Variants in EPHB6 observed in about 807,000 individuals in gnomAD.
The protein encoded by EPHB6 is EPH receptor B6.
A neutral mutation model predicts 107.0 loss-of-function variants in EPHB6; 51 were observed. The observed-to-expected ratio is 0.48, with a 90% CI of 0.38 to 0.60. The LOEUF (loss-of-function observed/expected upper bound fraction) is 0.60, where lower values mean the gene tolerates loss of function less well. Ranked by LOEUF, EPHB6 falls within the 20% of genes least tolerant of loss-of-function variation. The pLI is 0.00. For missense variants in EPHB6, 1,141 were observed against 1,355.5 expected, an observed-to-expected ratio of 0.84 and a Z score of 2.48; for synonymous variants, 553 against 549.0, an observed-to-expected ratio of 1.01 and a Z score of -0.10.
Position 142,866,881 on chromosome 7 carries a change from G to T in EPHB6, c.1588-25G>T. 2 of 1,614,020 alleles carry T rather than the reference G, an allele frequency of 1.2e-6. No individual in the cohort carries two copies. Among genetic ancestry groups the T allele is most frequent in the South Asian group, 2.2e-5 (2 of 91,072 alleles). ...AGCAGGGGCAAGAGGGGGCCAGGCA[G>T]GGAGTGAGTGGCTGTTACCCCCAGG... On this transcript the variant is annotated intron_variant, in intron 10 of 19. Transcript: ENST00000652003. This position sits in a 1 kb window ranked among gnomAD's most constrained non-coding sequence, Gnocchi z 5.2.
Position 142,869,013 on chromosome 7 carries a change from A to G in EPHB6, c.2326A>G (p.Met776Val). The G allele has an allele frequency of 1.1e-5, 17 of 1,612,096 alleles. No homozygotes were observed. The highest frequency in any genetic ancestry group is 1.4e-5 in the Non-Finnish European group (17 of 1,179,948). Residue 776 changes from methionine to valine, a missense_variant, in exon 16 of 20, where the codon ATG becomes GTG. Physicochemically the swap from Met to Val is conservative, Grantham distance 21. This residue lies in a region of EPHB6 where 616 missense variants were observed against 759.3 expected (regional missense o/e 0.81). Transcript: ENST00000652003. This position sits in a 1 kb window ranked among gnomAD's most constrained non-coding sequence, Gnocchi z 4.5. Reference sequence around the variant, plus strand: ...GTTCAGCAGCCTGCAGCTGGTGGCCATGCAGCGGGGAGTGGCTGCTGCCAT... The same window carrying G: ...GTTCAGCAGCCTGCAGCTGGTGGCCGTGCAGCGGGGAGTGGCTGCTGCCAT... ...GQFSSLQLVA[M>V]QRGVAAAMQY...
rs2116479379 is a variant in EPHB6 at position 142,869,216 on chromosome 7, G to A, written c.2460+69G>A. The A allele has an allele frequency of 2.6e-6, 4 of 1,568,394 alleles. No individual in the cohort carries two copies. The highest frequency in any genetic ancestry group is 1.7e-6 in the Non-Finnish European group (2 of 1,149,616). On this transcript the variant is annotated intron_variant, in intron 16 of 19. Coordinates refer to ENST00000652003, the MANE Select transcript of EPHB6 (RefSeq NM_004445.6). This position sits in a 1 kb window ranked among gnomAD's most constrained non-coding sequence, Gnocchi z 4.5. ...TGCCCCAGCAGGTGCTGGGGTCGGG[G>A]GTGAGCTGGAATCTGGGGTAGGTAC... is the stretch of plus-strand genomic sequence containing the variant.
At position 142,864,503 on chromosome 7, in the gene EPHB6, G is replaced by A. The variant is rs1272076153; in HGVS notation, c.703G>A (p.Ala235Thr). Residue 235 changes from alanine (A) to threonine (T), a missense_variant, in exon 7 of 20, where the codon GCC becomes ACC. Physicochemically the swap from Ala to Thr is moderately conservative, Grantham distance 58. Transcript: ENST00000652003. ...CAGGCTCTTCTCCTACACCTGCCCT[G>A]CCGTGCTCCGATCCTTTGCTTCCTT... Reference protein sequence around the residue: ...AVRLFSYTCPAVLRSFASFPE... With the variant: ...AVRLFSYTCPTVLRSFASFPE... The A allele has an allele frequency of 1.2e-6, 2 of 1,613,458 alleles. No homozygotes were observed. The highest frequency in any genetic ancestry group is 1.7e-6 in the Non-Finnish European group (2 of 1,180,028).
rs958011230 is a variant in EPHB6, at chr7:142,858,423, C to CTTT, written c.-431-2601_-431-2599dup. On this transcript the variant is annotated intron_variant, in intron 1 of 19. Transcript: ENST00000652003. ...CAATTTAATTTACTTTTAAGTCATT[C>CTTT]TTTTTTTTTTTTTTTTTTTTTTTTT... Among the ~76,000 whole-genome samples the CTTT allele has an allele frequency of 2.0e-3, 113 of 57,612 alleles. 2 individuals carry two copies. Among genetic ancestry groups the CTTT allele is most frequent in the African/African-American group, 2.4e-3 (32 of 13,302 alleles). The allele number at this position is 57,612 out of a possible 152,430, so 37.8% of individuals were successfully genotyped here.
In EPHB6 at chr7:142,864,613, G is replaced by A. The variant is rs747247284; in HGVS notation, c.813G>A (p.Glu271=). 6.2e-7 allele frequency: 1 copy of A among 1,612,648 alleles called. No homozygotes were observed. The highest frequency in any genetic ancestry group is 1.7e-5 in the Admixed American group (1 of 60,018). ...GTCVAHAEPE[E]DGVGGQAGGS... ...GTGTGGCTCATGCAGAGCCAGAGGA[G>A]GATGGAGTAGGGGGCCAGGCAGGAG... Residue 271 remains glutamate (E), a synonymous_variant, in exon 7 of 20, where the codon GAG becomes GAA. Coordinates refer to ENST00000652003, the MANE Select transcript of EPHB6 (RefSeq NM_004445.6).
chr7:142,863,780 C>T, intron 6 of EPHB6, 85 bp downstream of exon 6: 2 of 1,531,334 alleles, frequency 1.3e-6, no homozygotes, highest in Non-Finnish European at 1.8e-6. Flanking sequence ...GAAGGAAACC[C>T]TGGGTGAGGA....
In EPHB6 at chr7:142,867,961, G is replaced by A; in HGVS notation, c.1866-36G>A. On this transcript the variant is annotated intron_variant, in intron 12 of 19. Transcript: ENST00000652003. This position sits in a 1 kb window ranked among gnomAD's most constrained non-coding sequence, Gnocchi z 5.3. ...AAGGGGGCAGCAAGGGGGTGGAAATGGGAGCGTCATCCCCAGTCACCGTTT... is the reference window on the plus strand; with the variant it reads ...AAGGGGGCAGCAAGGGGGTGGAAATAGGAGCGTCATCCCCAGTCACCGTTT... 1 of 1,555,406 alleles carries A rather than the reference G, an allele frequency of 6.4e-7. No homozygotes were observed. Among genetic ancestry groups the A allele is most frequent in the South Asian group, 1.2e-5 (1 of 84,532 alleles).
intron 1 of EPHB6, among the ~76,000 whole-genome samples, chr7:142,858,993 C>T (rs1205704967): frequency 1.3e-5 from 2 of 152,184 alleles, no homozygotes; most frequent in African/African-American, 2.4e-5. Context: ...TAATCCGTCT[C>T]GTTTTCTCCA....
At chr7:142,858,977 T>A (rs1257606344) in intron 1 of EPHB6, among the ~76,000 whole-genome samples, 2 of 152,230 alleles carry the variant, frequency 1.3e-5, no homozygotes, top group Non-Finnish European at 2.9e-5. Context: ...TACCTAAAAC[T>A]TTGTCTAATC....
chr7:142,868,420 C>T lies in EPHB6; in HGVS notation c.2038+60C>T, dbSNP rs1231610243. On this transcript the variant is annotated intron_variant, in intron 14 of 19. Coordinates refer to ENST00000652003, the MANE Select transcript of EPHB6 (RefSeq NM_004445.6). This position sits in a 1 kb window ranked among gnomAD's most constrained non-coding sequence, Gnocchi z 4.2. ...GGGCTCCCTTGTGGCCTCCGCTGGCCAGAGTCCCATCCAAACACAGCAGGA... is the reference window on the plus strand; with the variant it reads ...GGGCTCCCTTGTGGCCTCCGCTGGCTAGAGTCCCATCCAAACACAGCAGGA... 2.5e-6 allele frequency: 4 copies of T among 1,613,970 alleles called. No homozygotes were observed. The highest frequency in any genetic ancestry group is 2.5e-6 in the Non-Finnish European group (3 of 1,179,880).
Position 142,868,736 on chromosome 7 carries a change from C to T in EPHB6, c.2283C>T (p.Leu761=). Reference sequence around the variant, plus strand: ...AGCTTGGCCCCCTGGACAGCTTCCTCAGGGTCAGTCCAGCCTGGGTGAAGG... The same window carrying T: ...AGCTTGGCCCCCTGGACAGCTTCCTTAGGGTCAGTCCAGCCTGGGTGAAGG... ...FMELGPLDSF[L]RQREGQFSSL... Residue 761 remains leucine, a synonymous_variant, in exon 15 of 20, where the codon CTC becomes CTT. Transcript: ENST00000652003. The surrounding 1 kb of genome is among the most constrained non-coding windows in gnomAD (Gnocchi z 4.2). 6.2e-7 allele frequency: 1 copy of T among 1,613,918 alleles called. No homozygotes were observed. Among genetic ancestry groups the T allele is most frequent in the African/African-American group, 1.3e-5 (1 of 75,052 alleles).
intron 8 of EPHB6, 44 bp from the exon 9 acceptor site, chr7:142,865,916 C>T (rs1396950013): frequency 6.3e-7 from 1 of 1,592,666 alleles, no homozygotes; most frequent in African/African-American, 1.3e-5. Context: ...ACCCCCACTG[C>T]TGCCCTCTTG....
Position 142,869,872 on chromosome 7 carries a change from A to G in EPHB6, c.2516A>G (p.His839Arg), listed in dbSNP as rs376093711. ...CCAGAGGTCATTGCACATGGAAAGC[A>G]TACAACATCCAGTGATGTCTGGAGC... is the stretch of plus-strand genomic sequence containing the variant. Reference protein sequence around the residue: ...AAPEVIAHGKHTTSSDVWSFG... With the variant: ...AAPEVIAHGKRTTSSDVWSFG... The change falls in exon 17 of 20, where the codon CAT becomes CGT. Residue 839 changes from histidine to arginine, a missense_variant. Physicochemically the swap from His to Arg is conservative, Grantham distance 29 (BLOSUM62 0). This residue lies in a region of EPHB6 where 616 missense variants were observed against 759.3 expected (regional missense o/e 0.81). Transcript: ENST00000652003. The surrounding 1 kb of genome is among the most constrained non-coding windows in gnomAD (Gnocchi z 4.5). The G allele has an allele frequency of 6.2e-7, 1 of 1,614,214 alleles. No homozygotes were observed. The highest frequency in any genetic ancestry group is 8.5e-7 in the Non-Finnish European group (1 of 1,180,044).
chr7:142,866,216 C>A lies in EPHB6; in HGVS notation c.1362C>A (p.His454Gln). 2 of 1,614,130 alleles carry A rather than the reference C, an allele frequency of 1.2e-6. No individual in the cohort carries two copies. The highest frequency in any genetic ancestry group is 4.5e-5 in the East Asian group (2 of 44,874). Residue 454 changes from histidine to glutamine, a missense_variant, in exon 9 of 20, where the codon CAC (histidine) becomes CAA (glutamine). Coordinates refer to ENST00000652003, the MANE Select transcript of EPHB6 (RefSeq NM_004445.6). This position sits in a 1 kb window ranked among gnomAD's most constrained non-coding sequence, Gnocchi z 5.2. Reference protein sequence around the residue: ...SRVLVGGLRAHVPYILEVQAV... With the variant: ...SRVLVGGLRAQVPYILEVQAV... ...TGTTAGTGGGGGGACTCCGGGCACA[C>A]GTACCCTACATCTTAGAGGTGCAGG... is the stretch of plus-strand genomic sequence containing the variant.
chr7:142,867,951 G>A lies in EPHB6; in HGVS notation c.1866-46G>A. 1 of 1,552,274 alleles carries A rather than the reference G, an allele frequency of 6.4e-7. No homozygotes were observed. Among genetic ancestry groups the A allele is most frequent in the Non-Finnish European group, 8.7e-7 (1 of 1,148,424 alleles). ...GGAGGGTGACAAGGGGGCAGCAAGGGGGTGGAAATGGGAGCGTCATCCCCA... is the reference window on the plus strand; with the variant it reads ...GGAGGGTGACAAGGGGGCAGCAAGGAGGTGGAAATGGGAGCGTCATCCCCA... On this transcript the variant is annotated intron_variant, in intron 12 of 19. Transcript: ENST00000652003. This position sits in a 1 kb window ranked among gnomAD's most constrained non-coding sequence, Gnocchi z 5.3.
rs1794634217 is a variant in EPHB6, at chr7:142,866,975, C to T, written c.1657C>T (p.Pro553Ser). ...CACTGCCACCGTGACACAGCTGAGC[C>T]CTGGCCACATCTATGGTTTCCAGGT... Reference protein sequence around the residue: ...TNTATVTQLSPGHIYGFQVRA... With the variant: ...TNTATVTQLSSGHIYGFQVRA... The change falls in exon 11 of 20, where the codon CCT (proline) becomes TCT (serine). Residue 553 changes from proline (P) to serine (S), a missense_variant. Pro to Ser is a moderately conservative substitution (Grantham distance 74). Around this residue, in one of 3 missense-constraint regions of EPHB6, gnomAD observed 616 missense variants for 759.3 expected, o/e 0.81. Coordinates refer to ENST00000652003, the MANE Select transcript of EPHB6 (RefSeq NM_004445.6). The surrounding 1 kb of genome is among the most constrained non-coding windows in gnomAD (Gnocchi z 5.2). 6.2e-7 allele frequency: 1 copy of T among 1,614,138 alleles called. No homozygotes were observed. Among genetic ancestry groups the T allele is most frequent in the Non-Finnish European group, 8.5e-7 (1 of 1,180,018 alleles).
intron 6 of EPHB6, 30 bp downstream of exon 6, chr7:142,863,725 TC>T: frequency 6.2e-7 from 1 of 1,610,262 alleles, no homozygotes. Flanking sequence ...TGAACCTGAA[TC>T]CCTTGGCCCT....
At position 142,866,574 on chromosome 7, in the gene EPHB6, T is replaced by A; in HGVS notation, c.1556T>A (p.Ile519Asn). The change falls in exon 10 of 20, where the codon ATC becomes AAC. Residue 519 changes from isoleucine to asparagine, a missense_variant. This residue lies in a region of EPHB6 where 616 missense variants were observed against 759.3 expected (regional missense o/e 0.81). Coordinates refer to ENST00000652003, the MANE Select transcript of EPHB6 (RefSeq NM_004445.6). The surrounding 1 kb of genome is among the most constrained non-coding windows in gnomAD (Gnocchi z 5.2). ...WPQPDQTNGNILDYQLRYYDQ... is the reference protein window; with the variant it reads ...WPQPDQTNGNNLDYQLRYYDQ... ...CAGCCCGACCAGACCAATGGGAACA[T>A]CCTGGACTATCAGCTCCGCTACTAT... 6 of 1,614,066 alleles carry A rather than the reference T, an allele frequency of 3.7e-6. No individual in the cohort carries two copies. The highest frequency in any genetic ancestry group is 5.1e-6 in the Non-Finnish European group (6 of 1,180,026).
At position 142,867,516 on chromosome 7, in the gene EPHB6, G is replaced by A. The variant is rs8177152; in HGVS notation, c.1751-92G>A. ...TTTGGGGCATGCGCGTGCATGTTGT[G>A]TGTGCCTGTGGTGTGTGTGGGTGCC... On this transcript the variant is annotated intron_variant, in intron 11 of 19. Transcript: ENST00000652003. This position sits in a 1 kb window ranked among gnomAD's most constrained non-coding sequence, Gnocchi z 5.3. The A allele has an allele frequency of 1.2e-3, 1,291 of 1,061,274 alleles. 9 individuals are homozygous for A. In the African/African-American group the frequency reaches 0.018, roughly 15 times the overall value. The allele number at this position is 1,061,274 out of a possible 1,614,324, so 65.7% of individuals were successfully genotyped here.
Sources: gnomAD v4.1 joint callset for allele counts (sites outside exome capture counted in the v4.1 genomes callset) on GRCh38, gnomAD v4.1.1 for gene constraint, gnomAD v4.1.1 regional missense constraint, Gnocchi (gnomAD v3.1) non-coding constraint, MANE v1.5 for transcripts, NCBI Gene and HGNC (gene_info 2026-07-23, HGNC 2026-07-21) for gene names.